Variants in NHSL1 observed in about 807,000 individuals in gnomAD.
NHSL1 encodes the protein NHS like 1, also known as NHS-like protein 1.
A neutral mutation model predicts 95.0 loss-of-function variants in NHSL1; 48 were observed. The observed-to-expected ratio is 0.51, with a 90% CI of 0.40 to 0.64. NHSL1 has a LOEUF of 0.64. Ranked by LOEUF, NHSL1 falls within the 30% of genes least tolerant of loss-of-function variation. NHSL1 has a pLI of 0.00. For missense variants in NHSL1, 1,971 were observed against 2,077.7 expected, an observed-to-expected ratio of 0.95 and a Z score of 1.00; for synonymous variants, 783 against 833.9, an observed-to-expected ratio of 0.94 and a Z score of 1.05.
At chr6:138,455,328 G>A (rs1248216009) in intron 3 of NHSL1, among the ~76,000 whole-genome samples, 1 of 152,162 alleles carries the variant, frequency 6.6e-6, no homozygotes, top group Non-Finnish European at 1.5e-5. Flanking sequence ...AAAAAAAATT[G>A]AGTGAAGCAT....
chr6:138,525,553 A>T (rs1004166797), intron 1 of NHSL1, among the ~76,000 whole-genome samples: 4 of 148,954 alleles, frequency 2.7e-5, no homozygotes, highest in Non-Finnish European at 5.9e-5. Flanking sequence ...ATAAATAAAT[A>T]AATAAATAAA....
chr6:138,425,499 A>G (rs1775204206), intron 7 of NHSL1, among the ~76,000 whole-genome samples: 1 of 152,226 alleles, frequency 6.6e-6, no homozygotes, highest in Non-Finnish European at 1.5e-5. Context: ...ATAATCATTA[A>G]TTACGGTCAC....
At chr6:138,654,237 T>G (rs1200723781) in intron 1 of NHSL1, among the ~76,000 whole-genome samples, 1 of 152,190 alleles carries the variant, frequency 6.6e-6, no homozygotes, top group East Asian at 1.9e-4. Flanking sequence ...AAATGGAAAT[T>G]TAAACAAGAC....
intron 1 of NHSL1, among the ~76,000 whole-genome samples, chr6:138,605,737 G>A (rs1488301540): frequency 6.6e-6 from 1 of 152,198 alleles, no homozygotes; most frequent in Non-Finnish European, 1.5e-5. Context: ...ATATTCATCT[G>A]ATTAAGGTAA....
chr6:138,593,656 G>A (rs1446753527), intron 1 of NHSL1, among the ~76,000 whole-genome samples: 1 of 152,118 alleles, frequency 6.6e-6, no homozygotes, highest in Non-Finnish European at 1.5e-5. Flanking sequence ...CCAGTAGACG[G>A]TCTCCCCAGG....
Position 138,552,965 on chromosome 6 carries a change from T to C in NHSL1, c.202+18745A>G, listed in dbSNP as rs140875979. 1.1e-4 allele frequency among the ~76,000 whole-genome samples: 16 copies of C among 152,366 alleles called. No individual in the cohort carries two copies. In the East Asian group the frequency reaches 3.1e-3, roughly 29 times the overall value. ...GAGACAGAGTACTCCTTGGTACCTT[T>C]GTAGTTGATATTTTTTCTTTCGAAA... On this transcript the variant is annotated intron_variant, in intron 1 of 6. Coordinates refer to the NHSL1 transcript ENST00000427025.
intron 1 of NHSL1, among the ~76,000 whole-genome samples, chr6:138,657,037 C>T (rs962613075): frequency 4.6e-5 from 7 of 152,208 alleles, no homozygotes; most frequent in Middle Eastern, 3.4e-3. Flanking sequence ...GTCTCAGTAA[C>T]AAGATCAATG....
chr6:138,429,161 G>A (rs1360346426), intron 7 of NHSL1, among the ~76,000 whole-genome samples: 1 of 152,106 alleles, frequency 6.6e-6, no homozygotes, highest in African/African-American at 2.4e-5. Context: ...TGGCACTAGT[G>A]GTATATTAAC....
At chr6:138,536,404 T>A (rs1182826225) in intron 1 of NHSL1, among the ~76,000 whole-genome samples, 1 of 152,192 alleles carries the variant, frequency 6.6e-6, no homozygotes, top group Non-Finnish European at 1.5e-5. Flanking sequence ...GTTTTAGCAT[T>A]AAAAGTTCTC....
At chr6:138,543,072 G>A (rs528123630) in intron 1 of NHSL1, among the ~76,000 whole-genome samples, 3 of 152,192 alleles carry the variant, frequency 2.0e-5, no homozygotes, top group East Asian at 1.9e-4. Flanking sequence ...CCTATTCTAC[G>A]TCTTAGAATA....
At chr6:138,518,475 GA>G (rs757294131) in intron 1 of NHSL1, among the ~76,000 whole-genome samples, 34 of 90,710 alleles carry the variant, frequency 3.7e-4, no homozygotes, top group African/African-American at 1.1e-3. Context: ...CCACAGGAAT[GA>G]TTTTTTTTTT....
chr6:138,671,749 AAT>A (rs1365107555), intron 1 of NHSL1, among the ~76,000 whole-genome samples: 1 of 152,226 alleles, frequency 6.6e-6, no homozygotes, highest in Non-Finnish European at 1.5e-5. Context: ...AACACATAGA[AAT>A]ATACACACCC....
chr6:138,500,898 C>T (rs1474047574), upstream of NHSL1, among the ~76,000 whole-genome samples: 1 of 152,158 alleles, frequency 6.6e-6, no homozygotes, highest in African/African-American at 2.4e-5. Flanking sequence ...TTATATATAG[C>T]TTTATTTTAA....
chr6:138,562,198 A>C (rs998921412), intron 1 of NHSL1, among the ~76,000 whole-genome samples: 1 of 152,238 alleles, frequency 6.6e-6, no homozygotes, highest in Non-Finnish European at 1.5e-5. Flanking sequence ...ATTGCCATAA[A>C]TATAATCTTT....
chr6:138,650,313 C>G (rs770220142), intron 1 of NHSL1: 1 of 787,912 alleles, frequency 1.3e-6, no homozygotes, highest in Non-Finnish European at 2.2e-6. Context: ...GTACTTCCAG[C>G]AGTGAATCCA....
At chr6:138,545,803 T>C (rs531221560), upstream of NHSL1, 462 of 1,184,042 alleles carry the variant, frequency 3.9e-4, no homozygotes, top group Admixed American at 5.5e-4. Context: ...CCCAGCCTGC[T>C]GGGCTGTGCT....
chr6:138,428,440 CT>C (rs911727352), intron 7 of NHSL1, among the ~76,000 whole-genome samples: 10 of 152,206 alleles, frequency 6.6e-5, no homozygotes, highest in African/African-American at 2.4e-4. Context: ...TATCATTTCT[CT>C]GTTTTGAGAA....
intron 1 of NHSL1, among the ~76,000 whole-genome samples, chr6:138,514,055 G>A (rs533254280): frequency 8.6e-5 from 13 of 151,928 alleles, no homozygotes; most frequent in African/African-American, 3.1e-4. Flanking sequence ...GGTGGCTCAC[G>A]CCTGTAATCT....
chr6:138,540,429 C>T (rs1268885451), intron 1 of NHSL1, among the ~76,000 whole-genome samples: 1 of 152,222 alleles, frequency 6.6e-6, no homozygotes, highest in Non-Finnish European at 1.5e-5. Flanking sequence ...GGCTAGGGAC[C>T]TTCCAGAGCA....
Sources: gnomAD v4.1 joint callset for allele counts (sites outside exome capture counted in the v4.1 genomes callset) on GRCh38, gnomAD v4.1.1 for gene constraint, MANE v1.5 for transcripts, NCBI Gene and HGNC (gene_info 2026-07-23, HGNC 2026-07-21) for gene names.